PSTPIP2: variants seen among roughly 807,000 people sequenced by gnomAD.
PSTPIP2 encodes the protein proline-serine-threonine phosphatase interacting protein 2, also known as proline-serine-threonine phosphatase-interacting protein 2.
Under a neutral mutation model 63.3 loss-of-function variants are expected in PSTPIP2, and 33 were observed. The ratio of observed to expected loss-of-function variants is 0.52; its 90% confidence interval spans 0.40 to 0.70. The LOEUF (loss-of-function observed/expected upper bound fraction) is 0.70, where lower values mean the gene tolerates loss of function less well. PSTPIP2 is among the 30% of genes least tolerant of loss of function. The pLI is 0.00. For missense variants in PSTPIP2, 312 were observed against 400.7 expected, an observed-to-expected ratio of 0.78 and a Z score of 1.89; for synonymous variants, 125 against 132.7, an observed-to-expected ratio of 0.94 and a Z score of 0.40.
chr18:45,998,978 G>T, intron 7 of PSTPIP2, 139 bp from the exon 8 acceptor site: 1 of 826,482 alleles, frequency 1.2e-6, no homozygotes, highest in South Asian at 1.6e-5. Context: ...TTTCCCTCAT[G>T]AGCAAATCAT....
chr18:46,048,996 C>A lies in PSTPIP2; in HGVS notation c.34-8949G>T, dbSNP rs113550615. Among the ~76,000 whole-genome samples the A allele has an allele frequency of 6.0e-3, 859 of 142,156 alleles. 16 individuals carry two copies. The highest frequency in any genetic ancestry group is 0.035 in the Admixed American group (486 of 13,818). The allele number at this position is 142,156 out of a possible 152,430, so 93.3% of individuals were successfully genotyped here. On this transcript the variant is annotated intron_variant, in intron 1 of 14. Transcript: ENST00000409746. ...CCTACTTCTTTACTTTCAAATGGTT[C>A]AGAAAAAAAGCATGTGTGTGTGTGT...
chr18:46,000,970 T>C (rs561415398), intron 6 of PSTPIP2, among the ~76,000 whole-genome samples: 2 of 152,304 alleles, frequency 1.3e-5, no homozygotes, highest in East Asian at 1.9e-4. Flanking sequence ...ATACGGCACA[T>C]ATACACAATG....
chr18:46,063,187 T>A (rs1375684999), intron 1 of PSTPIP2, among the ~76,000 whole-genome samples: 1 of 152,018 alleles, frequency 6.6e-6, no homozygotes, highest in Non-Finnish European at 1.5e-5. Context: ...ATTTTTTTTG[T>A]AGAGACAGGG....
chr18:46,063,061 G>A (rs1427560167), intron 1 of PSTPIP2, among the ~76,000 whole-genome samples: 1 of 152,154 alleles, frequency 6.6e-6, no homozygotes, highest in African/African-American at 2.4e-5. Context: ...GCAGTGCAGT[G>A]GTGTAATCAC....
intron 2 of PSTPIP2, among the ~76,000 whole-genome samples, chr18:46,033,055 T>C (rs1013322530): frequency 6.6e-6 from 1 of 152,234 alleles, no homozygotes; most frequent in African/African-American, 2.4e-5. Context: ...CAAGGGGCTC[T>C]CACAGAACAT....
intron 13 of PSTPIP2, among the ~76,000 whole-genome samples, chr18:45,990,112 T>C (rs2051510836): frequency 1.3e-5 from 2 of 152,364 alleles, no homozygotes; most frequent in Admixed American, 1.3e-4. Context: ...TTCTATGTAA[T>C]CCAAGGGGAA....
intron 13 of PSTPIP2, chr18:45,989,707 A>T (rs2051504394): frequency 6.6e-6 from 1 of 152,386 alleles, no homozygotes; most frequent in South Asian, 2.1e-4. Context: ...CAAGGCATAC[A>T]ACTAATGAGA....
intron 7 of PSTPIP2, 42 bp downstream of exon 7, chr18:45,999,394 G>A: frequency 6.4e-7 from 1 of 1,569,504 alleles, no homozygotes; most frequent in South Asian, 1.1e-5. Flanking sequence ...GCCTGACATA[G>A]GTCAGTCTCA....
At chr18:46,016,221 C>A (rs1009916543) in intron 3 of PSTPIP2, 2 of 362,424 alleles carry the variant, frequency 5.5e-6, no homozygotes, top group Non-Finnish European at 1.0e-5. Flanking sequence ...TGATCCTTTT[C>A]TCATAAGAAT....
At chr18:46,069,538 T>C (rs1909315854) in intron 1 of PSTPIP2, among the ~76,000 whole-genome samples, 1 of 152,214 alleles carries the variant, frequency 6.6e-6, no homozygotes, top group Non-Finnish European at 1.5e-5. Flanking sequence ...TTGCCCAGCC[T>C]CCTTAGTAGC....
intron 10 of PSTPIP2, among the ~76,000 whole-genome samples, chr18:45,992,542 G>A (rs1304765513): frequency 6.8e-6 from 1 of 146,522 alleles, no homozygotes; most frequent in South Asian, 2.1e-4. Context: ...AACCCCAGGC[G>A]ACAGTGCGAG....
chr18:46,053,242 C>T (rs1319874173), intron 1 of PSTPIP2, among the ~76,000 whole-genome samples: 1 of 152,044 alleles, frequency 6.6e-6, no homozygotes, highest in Non-Finnish European at 1.5e-5. Flanking sequence ...CCAAAGTTTT[C>T]ATTTAAATTA....
At position 46,029,574 on chromosome 18, in the gene PSTPIP2, C is replaced by T. The variant is rs979525166; in HGVS notation, c.135-4888G>A. On this transcript the variant is annotated intron_variant, in intron 2 of 14. Transcript: ENST00000409746. ...ATATAAATAATCAAGATTCTTGTCTCGAAGGAACAAACCCAAAGCCAATGA... is the reference window on the plus strand; with the variant it reads ...ATATAAATAATCAAGATTCTTGTCTTGAAGGAACAAACCCAAAGCCAATGA... 17 of 784,542 alleles carry T rather than the reference C, an allele frequency of 2.2e-5. 2 individuals are homozygous for T. Among genetic ancestry groups the T allele is most frequent in the South Asian group, 1.5e-4 (11 of 73,912 alleles). The allele number at this position is 784,542 out of a possible 1,614,324, so 48.6% of individuals were successfully genotyped here.
chr18:46,005,626 G>T (rs1473343984), intron 5 of PSTPIP2, 95 bp from the exon 6 acceptor site: 6 of 951,746 alleles, frequency 6.3e-6, no homozygotes, highest in Non-Finnish European at 7.7e-6. Flanking sequence ...TGAGGGTTAA[G>T]TGTTCAAAAT....
intron 4 of PSTPIP2, among the ~76,000 whole-genome samples, chr18:46,014,982 C>T (rs189186372): frequency 3.5e-4 from 53 of 152,174 alleles, no homozygotes; most frequent in African/African-American, 1.2e-3. Context: ...GCTCTGAGGA[C>T]CCGCAATATG....
intron 2 of PSTPIP2, among the ~76,000 whole-genome samples, chr18:46,027,739 A>G (rs550265105): frequency 1.3e-5 from 2 of 152,344 alleles, no homozygotes; most frequent in East Asian, 1.9e-4. Context: ...TCTGATTTTA[A>G]TTTCACAGAA....
chr18:46,060,086 CT>C, intron 1 of PSTPIP2, among the ~76,000 whole-genome samples: 1 of 152,148 alleles, frequency 6.6e-6, no homozygotes, highest in Admixed American at 6.5e-5. Flanking sequence ...TGTTTAATAA[CT>C]TTCTTTTAAA....
chr18:46,070,066 T>C (rs1380000556), intron 1 of PSTPIP2, among the ~76,000 whole-genome samples: 3 of 152,160 alleles, frequency 2.0e-5, no homozygotes, highest in Non-Finnish European at 4.4e-5. Context: ...CATTTTTATG[T>C]ATGGAAAAAC....
At chr18:45,991,539 A>T (rs1049389911) in intron 12 of PSTPIP2, among the ~76,000 whole-genome samples, 5 of 152,190 alleles carry the variant, frequency 3.3e-5, no homozygotes, top group Non-Finnish European at 7.3e-5. Context: ...TTTTCCAGCC[A>T]TTTAAAAATG....
Sources: gnomAD v4.1 joint callset for allele counts (sites outside exome capture counted in the v4.1 genomes callset) on GRCh38, gnomAD v4.1.1 for gene constraint, MANE v1.5 for transcripts, NCBI Gene and HGNC (gene_info 2026-07-23, HGNC 2026-07-21) for gene names.